Variants in NHERF1 observed in about 807,000 individuals in gnomAD.
NHERF1 encodes the protein NHERF family PDZ scaffold protein 1.
the NHERF1 span, among the ~76,000 whole-genome samples, chr17:74,760,747 T>A: frequency 6.6e-6 from 1 of 152,202 alleles, no homozygotes; most frequent in Non-Finnish European, 1.5e-5. This position sits in a 1 kb window ranked among gnomAD's most constrained non-coding sequence, Gnocchi z 4.5. Context: ...GCACAGGGAT[T>A]TTTTACAGTT....
the NHERF1 span, among the ~76,000 whole-genome samples, chr17:74,753,166 T>C: frequency 6.6e-6 from 1 of 152,200 alleles, no homozygotes; most frequent in East Asian, 1.9e-4. Context: ...AGTTCATTTT[T>C]CCCTGCAACC....
the NHERF1 span, among the ~76,000 whole-genome samples, chr17:74,766,057 A>G: frequency 6.6e-6 from 1 of 152,228 alleles, no homozygotes; most frequent in Non-Finnish European, 1.5e-5. Context: ...ATTCCCAGGT[A>G]GGAATTAGGC....
At chr17:74,759,269 A>T in the NHERF1 span, among the ~76,000 whole-genome samples, 1 of 152,330 alleles carries the variant, frequency 6.6e-6, no homozygotes, top group South Asian at 2.1e-4. Context: ...GGGGAAGGAA[A>T]CAGAGGGCAC....
chr17:74,761,298 T>C, the NHERF1 span, among the ~76,000 whole-genome samples: 77 of 152,290 alleles, frequency 5.1e-4, 1 homozygote, highest in African/African-American at 1.8e-3. The surrounding 1 kb of genome is among the most constrained non-coding windows in gnomAD (Gnocchi z 4.3). Flanking sequence ...CGTTGCCACC[T>C]CTGCCCTTGG....
At chr17:74,761,895 G>A in the NHERF1 span, 1 of 1,061,550 alleles carries the variant, frequency 9.4e-7, no homozygotes, top group Non-Finnish European at 1.4e-6. This position sits in a 1 kb window ranked among gnomAD's most constrained non-coding sequence, Gnocchi z 4.3. Context: ...AGGGATCTAG[G>A]CAAATTTGCA....
At chr17:74,766,952 C>G in the NHERF1 span, 1 of 1,614,098 alleles carries the variant, frequency 6.2e-7, no homozygotes, top group Non-Finnish European at 8.5e-7. Context: ...TGCCTGTGCC[C>G]TTCACCAATG....
At chr17:74,755,176 A>G in the NHERF1 span, among the ~76,000 whole-genome samples, 2 of 152,210 alleles carry the variant, frequency 1.3e-5, no homozygotes, top group Admixed American at 6.5e-5. Flanking sequence ...CAGCTGGACC[A>G]TCACAGTGGT....
the NHERF1 span, chr17:74,768,252 G>A: frequency 2.6e-5 from 41 of 1,590,156 alleles, no homozygotes; most frequent in Middle Eastern, 3.3e-4. Context: ...CCAGCCATGC[G>A]GGGGGTGGCA....
the NHERF1 span, among the ~76,000 whole-genome samples, chr17:74,766,229 C>G: frequency 2.0e-5 from 3 of 152,156 alleles, no homozygotes; most frequent in Admixed American, 2.0e-4. Context: ...CAGAGTCTTG[C>G]TGTGTTGCCC....
At chr17:74,759,073 C>T in the NHERF1 span, among the ~76,000 whole-genome samples, 7 of 152,190 alleles carry the variant, frequency 4.6e-5, no homozygotes, top group Non-Finnish European at 1.0e-4. Flanking sequence ...TGGGAACCCC[C>T]CTTCCCATGT....
the NHERF1 span, chr17:74,763,564 C>A: frequency 6.5e-7 from 1 of 1,549,838 alleles, no homozygotes; most frequent in Non-Finnish European, 8.7e-7. Flanking sequence ...CTGGAGCCCC[C>A]CAAGTCAGGG....
the NHERF1 span, chr17:74,763,610 G>A: frequency 6.8e-5 from 94 of 1,377,354 alleles, 1 homozygote; most frequent in Admixed American, 1.0e-3. Flanking sequence ...GGTCCCAGGC[G>A]AGGGGTGGGC....
chr17:74,762,800 T>C, the NHERF1 span, among the ~76,000 whole-genome samples: 2 of 152,162 alleles, frequency 1.3e-5, no homozygotes, highest in African/African-American at 4.8e-5. This position sits in a 1 kb window ranked among gnomAD's most constrained non-coding sequence, Gnocchi z 4.2. Flanking sequence ...TCAAGTGATC[T>C]GCCCGCCTCG....
chr17:74,764,425 T>C, the NHERF1 span, among the ~76,000 whole-genome samples: 2 of 152,178 alleles, frequency 1.3e-5, no homozygotes, highest in African/African-American at 4.8e-5. This position sits in a 1 kb window ranked among gnomAD's most constrained non-coding sequence, Gnocchi z 4.9. Context: ...CCTAGCTGGC[T>C]CTGGGCATGG....
the NHERF1 span, chr17:74,762,223 TCAG>T: frequency 7.1e-6 from 11 of 1,544,604 alleles, no homozygotes; most frequent in Non-Finnish European, 9.7e-6. This position sits in a 1 kb window ranked among gnomAD's most constrained non-coding sequence, Gnocchi z 4.2. Flanking sequence ...CCCCTGCAGA[TCAG>T]CAGCACCTGG....
the NHERF1 span, among the ~76,000 whole-genome samples, chr17:74,752,541 G>A: frequency 1.3e-5 from 2 of 151,932 alleles, no homozygotes; most frequent in African/African-American, 4.8e-5. Context: ...TTCCACCCAG[G>A]CTGGAGTGGT....
chr17:74,763,105 C>A, the NHERF1 span: 1 of 419,640 alleles, frequency 2.4e-6, no homozygotes. Flanking sequence ...CATCCCATCT[C>A]TCCCAGCTGT....
At chr17:74,758,989 C>T in the NHERF1 span, among the ~76,000 whole-genome samples, 1 of 152,314 alleles carries the variant, frequency 6.6e-6, no homozygotes, top group East Asian at 1.9e-4. This position sits in a 1 kb window ranked among gnomAD's most constrained non-coding sequence, Gnocchi z 4.3. Context: ...CTGGCACTGA[C>T]ACCTCCTGGA....
chr17:74,768,342 G>A, the NHERF1 span: 14 of 1,376,314 alleles, frequency 1.0e-5, no homozygotes, highest in East Asian at 6.8e-5. Flanking sequence ...ATGCTGAGCC[G>A]CATTCTGTTC....
Sources: allele counts gnomAD v4.1 joint callset (sites outside exome capture counted in the v4.1 genomes callset), GRCh38; gene constraint gnomAD v4.1.1; non-coding constraint Gnocchi (gnomAD v3.1); transcripts MANE v1.5; gene names NCBI Gene and HGNC (gene_info 2026-07-23, HGNC 2026-07-21).